ARHGEF37: variants seen among roughly 807,000 people sequenced by gnomAD.
The protein encoded by ARHGEF37 is Rho guanine nucleotide exchange factor (GEF) 37.
In ARHGEF37, 55 loss-of-function variants were observed where a neutral mutation model predicts 71.1. The ratio of observed to expected loss-of-function variants is 0.77; its 90% CI spans 0.62 to 0.97. The LOEUF (loss-of-function observed/expected upper bound fraction) is 0.97, where lower values mean the gene tolerates loss of function less well. ARHGEF37 is among the 50% of genes least tolerant of loss of function. The pLI is 0.00. For missense variants in ARHGEF37, 765 were observed against 836.8 expected (o/e 0.91, Z 1.06); for synonymous variants, 327 against 350.6 (o/e 0.93, Z 0.75).
intron 1 of ARHGEF37, among the ~76,000 whole-genome samples, chr5:149,557,614 G>A (rs1580877776): frequency 6.6e-6 from 1 of 152,258 alleles, no homozygotes; most frequent in Middle Eastern, 3.4e-3. Context: ...AAGTAAATGG[G>A]ACCACAGGCA....
intron 1 of ARHGEF37, among the ~76,000 whole-genome samples, chr5:149,596,386 C>T (rs1033630993): frequency 6.6e-6 from 1 of 152,180 alleles, no homozygotes; most frequent in South Asian, 2.1e-4. Context: ...CTCACTGCAA[C>T]CTCCACCTCC....
intron 3 of ARHGEF37, among the ~76,000 whole-genome samples, chr5:149,605,542 T>C (rs1199249149): frequency 6.6e-6 from 1 of 152,164 alleles, no homozygotes; most frequent in Non-Finnish European, 1.5e-5. Context: ...ATTTGAGCAT[T>C]GAAGGTCTAG....
intron 2 of ARHGEF37, among the ~76,000 whole-genome samples, chr5:149,598,328 T>TTC (rs1763624791): frequency 2.3e-4 from 22 of 95,866 alleles, no homozygotes; most frequent in African/African-American, 6.0e-4. Flanking sequence ...TCTTCTTCTT[T>TTC]CTTCCTCTTC....
At chr5:149,601,746 G>C (rs963381774) in intron 3 of ARHGEF37, among the ~76,000 whole-genome samples, 5 of 152,228 alleles carry the variant, frequency 3.3e-5, no homozygotes, top group Non-Finnish European at 5.9e-5. Flanking sequence ...TGTGAGCTGA[G>C]ATCTGAGTGT....
chr5:149,609,531 T>TG lies in ARHGEF37; in HGVS notation c.311-16dup, dbSNP rs760992236. On this transcript the variant is annotated splice_polypyrimidine_tract_variant and intron_variant, in intron 3 of 12. Coordinates refer to ENST00000333677, the MANE Select transcript of ARHGEF37 (RefSeq NM_001001669.3). ...AGACATGCCCTTGACGACCCCTTGT[T>TG]GCGTCTTCACTCTCAGGTAACATAT... 3.9e-5 allele frequency: 63 copies of TG among 1,613,296 alleles called. No individual in the cohort carries two copies. The highest frequency in any genetic ancestry group is 5.0e-5 in the Non-Finnish European group (59 of 1,179,446).
Position 149,597,917 on chromosome 5 carries a change from C to T in ARHGEF37, c.148C>T (p.Gln50Ter), listed in dbSNP as rs1189091068. ...DTEVSYLHML[Q>*]LCASDIRSRL... ...TGAGGTCTCCTACTTGCACATGCTC[C>T]AGCTCTGTGCCTCTGACATCAGGAG... Residue 50 changes from glutamine (Q) to a stop codon, truncating the protein, a stop_gained, in exon 2 of 13, where the codon CAG becomes TAG. Transcript: ENST00000333677. LOFTEE classifies it high-confidence loss of function. The T allele has an allele frequency of 6.2e-7, 1 of 1,604,116 alleles. No homozygotes were observed. Among genetic ancestry groups the T allele is most frequent in the South Asian group, 1.1e-5 (1 of 89,008 alleles).
At chr5:149,567,383 AG>A (rs1298643711) in intron 1 of ARHGEF37, among the ~76,000 whole-genome samples, 10 of 152,334 alleles carry the variant, frequency 6.6e-5, no homozygotes, top group African/African-American at 2.4e-4. Flanking sequence ...GTGTCCACAA[AG>A]TTATTCCACT....
intron 1 of ARHGEF37, among the ~76,000 whole-genome samples, chr5:149,562,090 G>C (rs914944373): frequency 2.0e-5 from 3 of 152,160 alleles, no homozygotes; most frequent in African/African-American, 4.8e-5. Context: ...GCTGATGCCA[G>C]GAAGCACTGA....
At chr5:149,626,268 ACACACACACACACACACACG>A (rs1386669034) in intron 10 of ARHGEF37, among the ~76,000 whole-genome samples, 2 of 150,166 alleles carry the variant, frequency 1.3e-5, no homozygotes, top group Admixed American at 6.7e-5. Flanking sequence ...ACACACACAC[ACACACACACACACACACACG>A]CCTCTCTCAA....
In ARHGEF37 at chr5:149,632,256, G is replaced by A; in HGVS notation, c.*65G>A. ...AGGCTTAGAGGCTCTGACCCTGGGG[G>A]GAAAAGAAGCAAAGGAAAGGTGGAG... is the stretch of plus-strand genomic sequence containing the variant. On this transcript the variant is annotated 3_prime_UTR_variant, in exon 13 of 13. Transcript: ENST00000333677. 6.4e-7 allele frequency: 1 copy of A among 1,556,464 alleles called. No homozygotes were observed. The highest frequency in any genetic ancestry group is 1.2e-5 in the South Asian group (1 of 86,818).
Position 149,598,080 on chromosome 5 carries a change from G to A in ARHGEF37, c.186+125G>A, listed in dbSNP as rs1763604303. The stretch of plus-strand genomic sequence containing the variant: ...AGGAAGCGTGGTAGATGTGAAGTCT[G>A]ACAGACCTGGATGTAAGCCCCAGTA... On this transcript the variant is annotated intron_variant, in intron 2 of 12. Transcript: ENST00000333677. The A allele has an allele frequency of 1.1e-5, 13 of 1,166,630 alleles. 1 individual carries two copies. In the South Asian group the frequency reaches 2.1e-4, roughly 19 times the overall value. 72.3% of individuals were successfully genotyped at this position (1,166,630 alleles called of 1,614,324 possible). A position where few individuals can be genotyped will look rare whatever the true frequency, so the allele number is the denominator to read the frequency against.
intron 2 of ARHGEF37, 72 bp downstream of exon 2, chr5:149,598,027 A>C: frequency 4.0e-6 from 6 of 1,483,558 alleles, no homozygotes; most frequent in Non-Finnish European, 5.4e-6. Context: ...GAGATTTCTC[A>C]TCCATTCCTG....
At chr5:149,601,291 G>T in intron 3 of ARHGEF37, 60 bp downstream of exon 3, 1 of 1,567,546 alleles carries the variant, frequency 6.4e-7, no homozygotes, top group South Asian at 1.2e-5. Context: ...TTCTCAGCGA[G>T]TGGTCACTGC....
intron 3 of ARHGEF37, among the ~76,000 whole-genome samples, chr5:149,605,226 CA>C (rs142296894): frequency 0.63 from 72,027 of 114,472 alleles, 20,109 homozygotes; most frequent in Middle Eastern, 0.8. Flanking sequence ...GACTGCATCT[CA>C]AAAAAAAAAA....
At position 149,620,303 on chromosome 5, in the gene ARHGEF37, A is replaced by C; in HGVS notation, c.895-51A>C. On this transcript the variant is annotated intron_variant, in intron 7 of 12. Coordinates refer to ENST00000333677, the MANE Select transcript of ARHGEF37 (RefSeq NM_001001669.3). ...TATGGTGGAAGGGGATTCCAGCGTAAGATGGCCATGACAGGCATGATTGGA... is the reference window on the plus strand; with the variant it reads ...TATGGTGGAAGGGGATTCCAGCGTACGATGGCCATGACAGGCATGATTGGA... 2 of 1,327,706 alleles carry C rather than the reference A, an allele frequency of 1.5e-6. 1 individual carries two copies. Among genetic ancestry groups the C allele is most frequent in the East Asian group, 5.1e-5 (2 of 38,912 alleles). 82.2% of individuals were successfully genotyped at this position (1,327,706 alleles called of 1,614,324 possible). A position where few individuals can be genotyped will look rare whatever the true frequency, so the allele number is the denominator to read the frequency against.
rs1424271132 is a variant in ARHGEF37 at position 149,609,705 on chromosome 5, A to C, written c.458+10A>C. On this transcript the variant is annotated intron_variant, in intron 4 of 12. Coordinates refer to ENST00000333677, the MANE Select transcript of ARHGEF37 (RefSeq NM_001001669.3). The stretch of plus-strand genomic sequence containing the variant: ...TCGTTGAGGCGGTGGTGTGAGTAGA[A>C]CGGCCAGTGAGCACTCGCTCCTACC... The C allele has an allele frequency of 1.2e-6, 2 of 1,612,112 alleles. No homozygotes were observed. Among genetic ancestry groups the C allele is most frequent in the East Asian group, 2.2e-5 (1 of 44,880 alleles).
At chr5:149,624,444 C>G (rs928560026) in intron 10 of ARHGEF37, among the ~76,000 whole-genome samples, 1 of 152,216 alleles carries the variant, frequency 6.6e-6, no homozygotes, top group African/African-American at 2.4e-5. Flanking sequence ...CTGGCATTGA[C>G]ATCCAAAAAC....
intron 3 of ARHGEF37, 32 bp downstream of exon 3, chr5:149,601,263 T>C: frequency 6.2e-7 from 1 of 1,600,874 alleles, no homozygotes; most frequent in Non-Finnish European, 8.5e-7. Flanking sequence ...TTGTCAGCCT[T>C]AGATTCTCAT....
intron 1 of ARHGEF37, among the ~76,000 whole-genome samples, chr5:149,584,685 C>T (rs1763187495): frequency 6.6e-6 from 1 of 152,046 alleles, no homozygotes; most frequent in South Asian, 2.1e-4. Flanking sequence ...TCTCTGCTTA[C>T]AATAACCTCC....
Sources: gnomAD v4.1 joint callset for allele counts (sites outside exome capture counted in the v4.1 genomes callset) on GRCh38, gnomAD v4.1.1 for gene constraint, MANE v1.5 for transcripts, NCBI Gene and HGNC (gene_info 2026-07-23, HGNC 2026-07-21) for gene names.